HS6ST3: variants seen among roughly 807,000 people sequenced by gnomAD.
HS6ST3 encodes the protein heparan sulfate 6-O-sulfotransferase 3, also known as heparan-sulfate 6-O-sulfotransferase 3.
In HS6ST3, 12 loss-of-function variants were observed where a neutral mutation model predicts 36.7. The ratio of observed to expected loss-of-function variants is 0.33; its 90% CI spans 0.21 to 0.53. The LOEUF is 0.53. HS6ST3 is among the 20% of genes least tolerant of loss of function. HS6ST3 has a pLI of 0.95. For missense variants in HS6ST3, 584 were observed against 640.9 expected, an observed-to-expected ratio of 0.91 and a Z score of 0.96; for synonymous variants, 240 against 257.5, an observed-to-expected ratio of 0.93 and a Z score of 0.65.
At chr13:96,238,874 A>C (rs963580404) in intron 1 of HS6ST3, among the ~76,000 whole-genome samples, 2 of 152,232 alleles carry the variant, frequency 1.3e-5, no homozygotes, top group Non-Finnish European at 2.9e-5. Flanking sequence ...AAAGGGTAAA[A>C]ATGATCCAGA....
intron 1 of HS6ST3, among the ~76,000 whole-genome samples, chr13:96,798,947 T>A (rs577924345): frequency 5.9e-5 from 9 of 152,228 alleles, no homozygotes; most frequent in African/African-American, 2.2e-4. Context: ...TCTGTACATA[T>A]GTACCCCAGT....
At chr13:96,409,311 A>G (rs547154337) in intron 1 of HS6ST3, among the ~76,000 whole-genome samples, 1 of 152,384 alleles carries the variant, frequency 6.6e-6, no homozygotes, top group Admixed American at 6.5e-5. Flanking sequence ...GCAAGGACTA[A>G]TGAATATTTG....
At position 96,783,530 on chromosome 13, in the gene HS6ST3, C is replaced by T. The variant is rs114833400; in HGVS notation, c.708-48960C>T. 5.1e-3 allele frequency among the ~76,000 whole-genome samples: 775 copies of T among 151,070 alleles called. 3 individuals carry two copies. Among genetic ancestry groups the T allele is most frequent in the African/African-American group, 0.018 (729 of 41,212 alleles). On this transcript the variant is annotated intron_variant, in intron 1 of 1. Transcript: ENST00000376705. Reference sequence around the variant, plus strand: ...AATCCTACAACTGATTACTGTGGTCCTCTCCCCTCCTCAACTATGGGGCAT... The same window carrying T: ...AATCCTACAACTGATTACTGTGGTCTTCTCCCCTCCTCAACTATGGGGCAT...
At chr13:96,334,759 C>T (rs534092755) in intron 1 of HS6ST3, among the ~76,000 whole-genome samples, 151 of 152,236 alleles carry the variant, frequency 9.9e-4, no homozygotes, top group African/African-American at 3.3e-3. Flanking sequence ...TATCTCCCAC[C>T]GGGTCCCTCC....
chr13:96,581,323 G>A (rs570031875), intron 1 of HS6ST3, among the ~76,000 whole-genome samples: 3 of 151,672 alleles, frequency 2.0e-5, no homozygotes, highest in East Asian at 3.9e-4. Context: ...GGGTTTAAGC[G>A]ATTCTCCTGC....
intron 1 of HS6ST3, among the ~76,000 whole-genome samples, chr13:96,164,273 T>A (rs899140629): frequency 2.0e-5 from 3 of 152,186 alleles, no homozygotes; most frequent in African/African-American, 7.2e-5. Flanking sequence ...ATGGCTAGTG[T>A]TAAGCGTTTG....
intron 1 of HS6ST3, among the ~76,000 whole-genome samples, chr13:96,248,028 G>A (rs1469270004): frequency 6.6e-6 from 1 of 152,128 alleles, no homozygotes; most frequent in Non-Finnish European, 1.5e-5. Flanking sequence ...GACAAGTTAA[G>A]ATAATCATCT....
intron 1 of HS6ST3, among the ~76,000 whole-genome samples, chr13:96,107,834 A>G (rs1039430232): frequency 6.6e-6 from 1 of 152,216 alleles, no homozygotes; most frequent in Admixed American, 6.5e-5. Context: ...CAATACTCTT[A>G]TAATTTCCTA....
chr13:96,202,841 A>C (rs553182373), intron 1 of HS6ST3, among the ~76,000 whole-genome samples: 1 of 152,326 alleles, frequency 6.6e-6, no homozygotes, highest in East Asian at 1.9e-4. Context: ...GAAAATTATC[A>C]GTTCTGCTCT....
intron 1 of HS6ST3, among the ~76,000 whole-genome samples, chr13:96,632,617 A>G (rs988003760): frequency 3.3e-5 from 5 of 152,214 alleles, no homozygotes; most frequent in African/African-American, 1.2e-4. Flanking sequence ...GTTTAAATGT[A>G]TGCTCTCAGT....
At chr13:96,640,690 G>T (rs1380406522) in intron 1 of HS6ST3, among the ~76,000 whole-genome samples, 2 of 151,964 alleles carry the variant, frequency 1.3e-5, no homozygotes, top group African/African-American at 4.8e-5. Context: ...ATAGTTCGAG[G>T]TCTTACATGA....
At chr13:96,366,448 CAAAT>C (rs3086049) in intron 1 of HS6ST3, among the ~76,000 whole-genome samples, 21 of 148,646 alleles carry the variant, frequency 1.4e-4, no homozygotes, top group African/African-American at 5.2e-4. Context: ...GACCTTGTCT[CAAAT>C]AAATAAATAA....
At chr13:96,764,983 C>A (rs1472950136) in intron 1 of HS6ST3, among the ~76,000 whole-genome samples, 2 of 151,808 alleles carry the variant, frequency 1.3e-5, no homozygotes, top group Non-Finnish European at 2.9e-5. Context: ...GCCATGGAAG[C>A]CTATTGAAAT....
rs114351784 is a variant in HS6ST3, at chr13:96,306,726, T to A, written c.707+215157T>A. On this transcript the variant is annotated intron_variant, in intron 1 of 1. Coordinates refer to ENST00000376705, the MANE Select transcript of HS6ST3 (RefSeq NM_153456.4). The stretch of plus-strand genomic sequence containing the variant: ...CTGTGTTCTTGCTTCTGTGTGCACA[T>A]TGATAGCTTCTTTTTGTGTTCCATG... 3.8e-3 allele frequency among the ~76,000 whole-genome samples: 582 copies of A among 152,246 alleles called. 2 individuals are homozygous for A. Among genetic ancestry groups the A allele is most frequent in the African/African-American group, 0.014 (561 of 41,554 alleles).
At chr13:96,651,292 G>C (rs1157397672) in intron 1 of HS6ST3, among the ~76,000 whole-genome samples, 1 of 151,810 alleles carries the variant, frequency 6.6e-6, no homozygotes. Flanking sequence ...CTTTTTCTGG[G>C]ATGTTCTTTT....
At chr13:96,765,917 T>C (rs1019095809) in intron 1 of HS6ST3, among the ~76,000 whole-genome samples, 5 of 152,206 alleles carry the variant, frequency 3.3e-5, no homozygotes, top group Non-Finnish European at 7.3e-5. Flanking sequence ...TTACAGTTAA[T>C]GAAATCAGGA....
chr13:96,742,756 T>A (rs1244550277), intron 1 of HS6ST3, among the ~76,000 whole-genome samples: 1 of 152,154 alleles, frequency 6.6e-6, no homozygotes, highest in African/African-American at 2.4e-5. Flanking sequence ...ATTAGGGATA[T>A]TAATTTCATT....
intron 1 of HS6ST3, among the ~76,000 whole-genome samples, chr13:96,443,934 G>A (rs1229533169): frequency 6.6e-6 from 1 of 152,132 alleles, no homozygotes. Flanking sequence ...AATCATCACA[G>A]ATTGCACTTA....
At chr13:96,269,612 G>T (rs1367525340) in intron 1 of HS6ST3, among the ~76,000 whole-genome samples, 1 of 151,958 alleles carries the variant, frequency 6.6e-6, no homozygotes, top group Non-Finnish European at 1.5e-5. Context: ...TTAGCACCAG[G>T]ATGAAACTGA....
Sources: gnomAD v4.1 joint callset for allele counts (sites outside exome capture counted in the v4.1 genomes callset) on GRCh38, gnomAD v4.1.1 for gene constraint, MANE v1.5 for transcripts, NCBI Gene and HGNC (gene_info 2026-07-23, HGNC 2026-07-21) for gene names.